AFDN: variants seen among roughly 807,000 people sequenced by gnomAD.
AFDN encodes afadin.
In AFDN, 68 loss-of-function variants were observed where a neutral mutation model predicts 216.6. The ratio of observed to expected loss-of-function variants is 0.31; its 90% CI spans 0.26 to 0.38. The LOEUF (loss-of-function observed/expected upper bound fraction) is 0.38. AFDN is among the 10% of genes least tolerant of loss of function. The pLI is 1.00. For synonymous variants in AFDN, 868 were observed against 853.7 expected (o/e 1.02, Z -0.29); for missense variants, 2,136 against 2,342.0 (o/e 0.91, Z 1.82).
At chr6:167,913,298 T>C in intron 15 of AFDN, 105 bp from the exon 16 acceptor site, 1 of 1,080,422 alleles carries the variant, frequency 9.3e-7, no homozygotes, top group South Asian at 1.4e-5. Flanking sequence ...CGTACCTTCA[T>C]GTCGTACCTT....
At chr6:167,967,056 G>A (rs902071029) in intron 32 of AFDN, among the ~76,000 whole-genome samples, 1 of 152,196 alleles carries the variant, frequency 6.6e-6, no homozygotes, top group Non-Finnish European at 1.5e-5. Context: ...ACAGGCGTGG[G>A]TTCAGTAGTC....
Position 167,965,748 on chromosome 6 carries a change from C to T in AFDN, c.4969-9C>T, listed in dbSNP as rs552396305. The T allele has an allele frequency of 2.0e-6, 3 of 1,524,086 alleles. No homozygotes were observed. Among genetic ancestry groups the T allele is most frequent in the South Asian group, 1.3e-5 (1 of 74,618 alleles). The allele number at this position is 1,524,086 out of a possible 1,614,324, so 94.4% of individuals were successfully genotyped here. A position where few individuals can be genotyped will look rare whatever the true frequency, so the allele number is the denominator to read the frequency against. On this transcript the variant is annotated splice_polypyrimidine_tract_variant and intron_variant, in intron 31 of 33. Coordinates refer to ENST00000683244, the MANE Select transcript of AFDN (RefSeq NM_001386888.1). ...TGACCTTTGCACTCTTGTCTATTCCCGCCCGCAGAGGCGACAGGAAGAAGG... is the reference window on the plus strand; with the variant it reads ...TGACCTTTGCACTCTTGTCTATTCCTGCCCGCAGAGGCGACAGGAAGAAGG...
At chr6:167,870,351 G>GCTTA (rs775755555) in intron 2 of AFDN, 35 bp from the exon 3 acceptor site, 1 of 1,362,470 alleles carries the variant, frequency 7.3e-7, no homozygotes, top group Non-Finnish European at 1.0e-6. Flanking sequence ...AATAACCATA[G>GCTTA]CTTATTCTTT....
chr6:167,871,306 T>C (rs771006956), intron 3 of AFDN, among the ~76,000 whole-genome samples: 3 of 152,222 alleles, frequency 2.0e-5, no homozygotes, highest in Non-Finnish European at 4.4e-5. Flanking sequence ...TAAGAATGCA[T>C]GTCCATTGTT....
intron 30 of AFDN, among the ~76,000 whole-genome samples, chr6:167,956,121 A>C (rs1451473726): frequency 6.7e-6 from 1 of 149,940 alleles, no homozygotes; most frequent in African/African-American, 2.4e-5. Flanking sequence ...GCTCAAAAAA[A>C]AAAAAAAAAA....
At chr6:167,850,612 A>G (rs1782189928) in intron 1 of AFDN, among the ~76,000 whole-genome samples, 1 of 152,194 alleles carries the variant, frequency 6.6e-6, no homozygotes, top group South Asian at 2.1e-4. Flanking sequence ...ATGGTACATT[A>G]TCTTCATCGT....
chr6:167,894,076 A>G (rs1319444732), intron 9 of AFDN, among the ~76,000 whole-genome samples, 170 bp downstream of exon 9: 1 of 152,096 alleles, frequency 6.6e-6, no homozygotes, highest in African/African-American at 2.4e-5. Flanking sequence ...GTAAGTTTCC[A>G]TATCTAGAAC....
chr6:167,930,295 T>TA (rs1793121301), intron 23 of AFDN, among the ~76,000 whole-genome samples: 1 of 152,214 alleles, frequency 6.6e-6, no homozygotes. Context: ...AAGTTTTTTT[T>TA]ACCTAGTGAT....
chr6:167,959,412 A>T (rs1796830832), intron 30 of AFDN, among the ~76,000 whole-genome samples: 1 of 152,210 alleles, frequency 6.6e-6, no homozygotes, highest in South Asian at 2.1e-4. Context: ...TCTAAAAACC[A>T]GGTGTTATGT....
intron 1 of AFDN, among the ~76,000 whole-genome samples, chr6:167,859,715 C>T (rs1583185307): frequency 6.6e-6 from 1 of 150,662 alleles, no homozygotes; most frequent in East Asian, 1.9e-4. Context: ...AAATCTCCAC[C>T]TTTAATTCTT....
At chr6:167,917,529 G>A (rs1013935342) in intron 20 of AFDN, among the ~76,000 whole-genome samples, 1 of 152,200 alleles carries the variant, frequency 6.6e-6, no homozygotes, top group Non-Finnish European at 1.5e-5. Flanking sequence ...CCACAACTGA[G>A]TGTAGAGGGT....
At position 167,907,105 on chromosome 6, in the gene AFDN, C is replaced by T. The variant is rs114409600; in HGVS notation, c.1651-66C>T. The T allele has an allele frequency of 1.2e-3, 1,446 of 1,194,172 alleles. 17 individuals carry two copies. In the African/African-American group the frequency reaches 0.02, roughly 16 times the overall value. The allele number at this position is 1,194,172 out of a possible 1,614,324, so 74.0% of individuals were successfully genotyped here. On this transcript the variant is annotated intron_variant, in intron 12 of 33. Coordinates refer to ENST00000683244, the MANE Select transcript of AFDN (RefSeq NM_001386888.1). ...CCCTGTATCAGATCTCTGCTTGCAA[C>T]GCTGAGTGTCAAGCTTGGTTGGTCT...
At chr6:167,852,513 G>A (rs949671369) in intron 1 of AFDN, among the ~76,000 whole-genome samples, 2 of 152,142 alleles carry the variant, frequency 1.3e-5, no homozygotes, top group African/African-American at 2.4e-5. Flanking sequence ...CCCATTAGAA[G>A]GTCAAGTGGT....
intron 22 of AFDN, 194 bp from the exon 23 acceptor site, chr6:167,924,810 AT>A: frequency 1.7e-6 from 1 of 604,484 alleles, no homozygotes; most frequent in South Asian, 1.7e-5. Flanking sequence ...TGAGTCAAGA[AT>A]ATCGATTTAG....
rs1788332834 is a variant in AFDN, at chr6:167,896,948, A to G, written c.1293A>G (p.Glu431=). 18 of 1,612,856 alleles carry G rather than the reference A, an allele frequency of 1.1e-5. No homozygotes were observed. Among genetic ancestry groups the G allele is most frequent in the Non-Finnish European group, 1.5e-5 (18 of 1,178,996 alleles). ...TAAGTGTTACTGAAGTTGGGACAGA[A>G]AAGTTGGATGACAACTCTATCCAGG... The part of the protein sequence containing the change: ...LQLSVTEVGT[E]KLDDNSIQLF... Residue 431 remains glutamate, a synonymous_variant, in exon 10 of 34, where the codon GAA becomes GAG. Coordinates refer to ENST00000683244, the MANE Select transcript of AFDN (RefSeq NM_001386888.1).
At chr6:167,966,195 A>T in intron 32 of AFDN, 150 bp downstream of exon 32, 3 of 1,534,336 alleles carry the variant, frequency 2.0e-6, no homozygotes, top group Non-Finnish European at 2.6e-6. Flanking sequence ...CAAAGCCAAC[A>T]GTACTGCTCA....
chr6:167,845,195 A>G (rs776409398), intron 1 of AFDN, among the ~76,000 whole-genome samples: 4 of 151,792 alleles, frequency 2.6e-5, no homozygotes, highest in Non-Finnish European at 5.9e-5. Flanking sequence ...TGCCATCTTT[A>G]TTTTCTTTCT....
At chr6:167,851,374 C>T in intron 1 of AFDN, among the ~76,000 whole-genome samples, 1 of 152,088 alleles carries the variant, frequency 6.6e-6, no homozygotes, top group East Asian at 1.9e-4. Flanking sequence ...TTTTATCAAC[C>T]AGGTATTAAG....
At chr6:167,845,124 A>G (rs1781517505) in intron 1 of AFDN, among the ~76,000 whole-genome samples, 2 of 152,064 alleles carry the variant, frequency 1.3e-5, no homozygotes, top group Admixed American at 1.3e-4. Flanking sequence ...GGCCTCCCAA[A>G]ATGCTGAGAT....
Sources: gnomAD v4.1 joint callset for allele counts (sites outside exome capture counted in the v4.1 genomes callset) on GRCh38, gnomAD v4.1.1 for gene constraint, MANE v1.5 for transcripts, NCBI Gene and HGNC (gene_info 2026-07-23, HGNC 2026-07-21) for gene names.